RAB11FIP2: variants seen among roughly 807,000 people sequenced by gnomAD.
RAB11FIP2 encodes RAB11 family interacting protein 2.
Under a neutral mutation model 40.9 loss-of-function variants are expected in RAB11FIP2, and 16 were observed. The ratio of observed to expected loss-of-function variants is 0.39; its 90% confidence interval spans 0.26 to 0.59. The LOEUF (loss-of-function observed/expected upper bound fraction) is 0.59, where lower values mean the gene tolerates loss of function less well. Among genes scored for constraint, RAB11FIP2 ranks in the 20% least tolerant of loss-of-function variants. RAB11FIP2 has a pLI of 0.53. For synonymous variants in RAB11FIP2, 228 were observed against 213.7 expected, an observed-to-expected ratio of 1.07 and a Z score of -0.58; for missense variants, 532 against 606.2, an observed-to-expected ratio of 0.88 and a Z score of 1.28.
intron 3 of RAB11FIP2, among the ~76,000 whole-genome samples, chr10:118,037,076 A>T (rs1267408445): frequency 1.3e-5 from 2 of 152,146 alleles, no homozygotes; most frequent in African/African-American, 4.8e-5. Context: ...GTTACCTCAG[A>T]CAGTTGTTTC....
chr10:118,040,620 A>T, intron 1 of RAB11FIP2, 55 bp from the exon 2 acceptor site: 1 of 1,284,126 alleles, frequency 7.8e-7, no homozygotes, highest in Non-Finnish European at 1.1e-6. Context: ...GAGGATACTG[A>T]GTTCTGTTAC....
chr10:118,034,748 A>G (rs1846460344), intron 3 of RAB11FIP2, among the ~76,000 whole-genome samples: 1 of 152,170 alleles, frequency 6.6e-6, no homozygotes, highest in African/African-American at 2.4e-5. Context: ...ACTTAGTACC[A>G]GTAATAAACT....
chr10:118,025,039 T>C (rs931401228), intron 3 of RAB11FIP2, among the ~76,000 whole-genome samples: 4 of 152,136 alleles, frequency 2.6e-5, no homozygotes, highest in African/African-American at 9.7e-5. Context: ...AAGCAACTGC[T>C]GGCATGACTG....
At chr10:118,012,894 C>G (rs953795292) in intron 4 of RAB11FIP2, among the ~76,000 whole-genome samples, 1 of 151,988 alleles carries the variant, frequency 6.6e-6, no homozygotes, top group African/African-American at 2.4e-5. Flanking sequence ...TTTCTCATTT[C>G]TACTCCACCT....
chr10:118,012,105 T>A (rs1846162970), intron 4 of RAB11FIP2, among the ~76,000 whole-genome samples: 1 of 152,034 alleles, frequency 6.6e-6, no homozygotes. Flanking sequence ...TTGATATAAA[T>A]TAAAGCCATG....
intron 1 of RAB11FIP2, 77 bp from the exon 2 acceptor site, chr10:118,040,642 C>T: frequency 4.7e-6 from 5 of 1,075,072 alleles, no homozygotes; most frequent in Non-Finnish European, 6.5e-6. Flanking sequence ...TACAAATAGC[C>T]TTTTAGGTAA....
intron 3 of RAB11FIP2, among the ~76,000 whole-genome samples, chr10:118,018,452 C>T (rs11198234): frequency 0.14 from 21,866 of 152,180 alleles, 2,037 homozygotes; most frequent in Middle Eastern, 0.22. Flanking sequence ...AACCTAGATA[C>T]ACTCACATTT....
At chr10:118,021,299 T>C (rs1030791558) in intron 3 of RAB11FIP2, among the ~76,000 whole-genome samples, 2 of 152,216 alleles carry the variant, frequency 1.3e-5, no homozygotes. Context: ...TATAAGACAT[T>C]TTCACAAACT....
At chr10:118,018,782 T>C (rs1564831232) in intron 3 of RAB11FIP2, among the ~76,000 whole-genome samples, 1 of 152,212 alleles carries the variant, frequency 6.6e-6, no homozygotes, top group Non-Finnish European at 1.5e-5. Flanking sequence ...GAAACTGTCC[T>C]TTAATTTGTG....
At chr10:118,010,936 T>C (rs1846147187) in intron 4 of RAB11FIP2, among the ~76,000 whole-genome samples, 1 of 151,892 alleles carries the variant, frequency 6.6e-6, no homozygotes, top group Non-Finnish European at 1.5e-5. Flanking sequence ...ATGGAAGGTT[T>C]GAAATAGACC....
rs1271066180 is a variant in RAB11FIP2 at position 118,007,125 on chromosome 10, G to C, written c.*1873C>G. ...ACTACCAGACAAAAACAAATGCTGA[G>C]AATTTTGTAACATTTAGTTAATTAA... On this transcript the variant is annotated 3_prime_UTR_variant, in exon 5 of 5. Coordinates refer to ENST00000355624, the MANE Select transcript of RAB11FIP2 (RefSeq NM_014904.3). The C allele has an allele frequency of 6.8e-6, 1 of 146,174 alleles. No individual in the cohort carries two copies. The highest frequency in any genetic ancestry group is 2.5e-5 in the African/African-American group (1 of 39,518). The allele number at this position is 146,174 out of a possible 1,614,324, so 9.1% of individuals were successfully genotyped here.
chr10:118,017,672 C>T (rs1045016201), intron 3 of RAB11FIP2: 2 of 152,138 alleles, frequency 1.3e-5, no homozygotes, highest in South Asian at 2.1e-4. Flanking sequence ...CAATGTTAAT[C>T]TTTTCTTGTA....
chr10:118,042,023 T>C (rs371865471), intron 1 of RAB11FIP2, among the ~76,000 whole-genome samples: 7 of 152,078 alleles, frequency 4.6e-5, no homozygotes, highest in East Asian at 3.9e-4. Context: ...TAACATACAA[T>C]TGAGCACTCA....
intron 4 of RAB11FIP2, 137 bp downstream of exon 4, chr10:118,014,928 T>C: frequency 1.5e-6 from 1 of 656,616 alleles, no homozygotes; most frequent in South Asian, 2.7e-5. Flanking sequence ...TTCTTTCTCC[T>C]AAAATTACTA....
chr10:118,031,535 T>C (rs1054245264), intron 3 of RAB11FIP2, among the ~76,000 whole-genome samples: 1 of 151,902 alleles, frequency 6.6e-6, no homozygotes, highest in African/African-American at 2.4e-5. Flanking sequence ...CAGACAGGAA[T>C]TGACTCATTA....
At position 118,042,378 on chromosome 10, in the gene RAB11FIP2, T is replaced by C. The variant is rs185810188; in HGVS notation, c.354-1813A>G. On this transcript the variant is annotated intron_variant, in intron 1 of 4. Transcript: ENST00000355624. The stretch of plus-strand genomic sequence containing the variant: ...CATCTTTATTTCATAGATGAGGAAA[T>C]TGAGGCACAAGGAATGATATGTAAC... Among the ~76,000 whole-genome samples the C allele has an allele frequency of 2.5e-3, 376 of 152,188 alleles. 1 individual carries two copies. Among genetic ancestry groups the C allele is most frequent in the Non-Finnish European group, 2.4e-3 (160 of 67,982 alleles).
In RAB11FIP2 at chr10:118,038,451, C is replaced by A. The variant is rs150048541; in HGVS notation, c.1265+521G>T. On this transcript the variant is annotated intron_variant, in intron 3 of 4. Coordinates refer to ENST00000355624, the MANE Select transcript of RAB11FIP2 (RefSeq NM_014904.3). The stretch of plus-strand genomic sequence containing the variant: ...ATACCTACAGAACCCATGAGGGTTA[C>A]TGAATTCCAATAACAAGCATTCTCA... Among the ~76,000 whole-genome samples, 331 of 152,128 alleles carry A rather than the reference C, an allele frequency of 2.2e-3. 1 individual carries two copies. Among genetic ancestry groups the A allele is most frequent in the African/African-American group, 7.1e-3 (293 of 41,538 alleles).
chr10:118,045,160 A>G (rs1846611206), intron 1 of RAB11FIP2: 1 of 152,284 alleles, frequency 6.6e-6, no homozygotes, highest in Admixed American at 6.5e-5. Context: ...TAGCTTTGGA[A>G]AATCAATTCT....
At chr10:118,043,578 G>A (rs1213265128) in intron 1 of RAB11FIP2, 1 of 152,090 alleles carries the variant, frequency 6.6e-6, no homozygotes, top group Non-Finnish European at 1.5e-5. Context: ...AAGAAAATAA[G>A]TAAAGTAATA....
Sources: gnomAD v4.1 joint callset for allele counts (sites outside exome capture counted in the v4.1 genomes callset) on GRCh38, gnomAD v4.1.1 for gene constraint, MANE v1.5 for transcripts, NCBI Gene and HGNC (gene_info 2026-07-23, HGNC 2026-07-21) for gene names.